The following THEMIS variants were observed in gnomAD, a reference collection of about 807,000 sequenced individuals.
The protein encoded by THEMIS is thymocyte selection associated, also known as protein THEMIS.
A neutral mutation model predicts 52.6 loss-of-function variants in THEMIS; 37 were observed. The observed-to-expected ratio is 0.70, with a 90% confidence interval of 0.54 to 0.93. The LOEUF (loss-of-function observed/expected upper bound fraction) is 0.93. Ranked by LOEUF, THEMIS falls within the 40% of genes least tolerant of loss-of-function variation. THEMIS has a pLI of 0.00. For missense variants in THEMIS, 808 were observed against 763.1 expected (o/e 1.06, Z -0.69); for synonymous variants, 292 against 272.7 (o/e 1.07, Z -0.70).
chr6:127,744,513 C>T (rs187195460), intron 4 of THEMIS, among the ~76,000 whole-genome samples: 63 of 152,048 alleles, frequency 4.1e-4, no homozygotes, highest in African/African-American at 1.5e-3. Flanking sequence ...AGAAGGAAAT[C>T]TTATCATTTG....
chr6:127,859,608 T>C (rs1435694078), intron 1 of THEMIS, among the ~76,000 whole-genome samples: 2 of 152,140 alleles, frequency 1.3e-5, no homozygotes, highest in African/African-American at 4.8e-5. Flanking sequence ...GTTTAAAGCA[T>C]GGTCAAGTCA....
chr6:127,899,110 G>A (rs577507291), intron 1 of THEMIS, among the ~76,000 whole-genome samples: 13 of 151,908 alleles, frequency 8.6e-5, no homozygotes, highest in African/African-American at 3.1e-4. Flanking sequence ...AACAACTAGA[G>A]TAGTGGAATT....
intron 5 of THEMIS, among the ~76,000 whole-genome samples, chr6:127,712,612 A>C (rs745644302): frequency 9.2e-5 from 14 of 151,942 alleles, no homozygotes; most frequent in South Asian, 2.1e-4. Flanking sequence ...TACTCAGTTG[A>C]TCAGACTAAC....
chr6:127,876,527 C>T (rs555499219), intron 1 of THEMIS, among the ~76,000 whole-genome samples: 1 of 152,180 alleles, frequency 6.6e-6, no homozygotes, highest in Non-Finnish European at 1.5e-5. Context: ...AATACAGATT[C>T]TTGGGTTATC....
rs1175240763 is a variant in THEMIS at position 127,719,787 on chromosome 6, T to G, written c.1795A>C (p.Asn599His). ...HVDITKKLHP[N>H]QAGLDSKVLI... The stretch of plus-strand genomic sequence containing the variant: ...ACTTTTGAATCCAGGCCAGCTTGAT[T>G]TGGGTGAAGTTTCTTGGTTATGTCT... The change falls in exon 5 of 6, where the codon AAT becomes CAT. Residue 599 changes from asparagine (N) to histidine (H), a missense_variant. By Grantham distance (68) the Asn-to-His change is moderately conservative (BLOSUM62 1). Transcript: ENST00000368248. 4 of 1,612,184 alleles carry G rather than the reference T, an allele frequency of 2.5e-6. No homozygotes were observed. The highest frequency in any genetic ancestry group is 2.2e-5 in the East Asian group (1 of 44,832).
intron 1 of THEMIS, among the ~76,000 whole-genome samples, chr6:127,860,788 T>G (rs1779775107): frequency 6.6e-6 from 1 of 152,174 alleles, no homozygotes; most frequent in South Asian, 2.1e-4. Flanking sequence ...GGTGACTAAG[T>G]TTCAGTGATA....
chr6:127,851,302 C>G (rs1396286478), intron 2 of THEMIS, among the ~76,000 whole-genome samples: 2 of 151,550 alleles, frequency 1.3e-5, no homozygotes, highest in African/African-American at 2.4e-5. Context: ...ACTTAATACA[C>G]TTCAAGTAGA....
At position 127,753,432 on chromosome 6, in the gene THEMIS, A is replaced by G. The variant is rs189880568; in HGVS notation, c.1759-33609T>C. 1.6e-4 allele frequency among the ~76,000 whole-genome samples: 24 copies of G among 152,216 alleles called. No individual in the cohort carries two copies. The East Asian group carries it at 4.4e-3, about 28-fold the overall frequency. The stretch of plus-strand genomic sequence containing the variant: ...CAATAGCATCAAAAATAATAAAAAT[A>G]CTTAAGAATAAAATTAACCAAGTAT... On this transcript the variant is annotated intron_variant, in intron 4 of 5. Transcript: ENST00000368248.
intron 5 of THEMIS, among the ~76,000 whole-genome samples, chr6:127,714,858 A>G (rs1191632135): frequency 1.3e-5 from 2 of 151,870 alleles, no homozygotes; most frequent in Non-Finnish European, 2.9e-5. Flanking sequence ...TTCCCTCTCA[A>G]TATGGTACAC....
rs778470089 is a variant in THEMIS at position 127,855,122 on chromosome 6, C to G, written c.158G>C (p.Gly53Ala). 1 of 1,610,760 alleles carries G rather than the reference C, an allele frequency of 6.2e-7. No individual in the cohort carries two copies. Reference sequence around the variant, plus strand: ...AGCTATGATCTTCTTAACTTTGAGACCAGTAATTTTAATCACTTCTCCTGT... The same window carrying G: ...AGCTATGATCTTCTTAACTTTGAGAGCAGTAATTTTAATCACTTCTCCTGT... Reference protein sequence around the residue: ...FSTGEVIKITGLKVKKIIAEI... With the variant: ...FSTGEVIKITALKVKKIIAEI... The change falls in exon 2 of 6, where the codon GGT (glycine) becomes GCT (alanine). Residue 53 changes from glycine (G) to alanine (A), a missense_variant. Coordinates refer to ENST00000368248, the MANE Select transcript of THEMIS (RefSeq NM_001010923.3).
At chr6:127,769,799 T>TCCCCAGA (rs1776319426) in intron 4 of THEMIS, among the ~76,000 whole-genome samples, 1 of 151,970 alleles carries the variant, frequency 6.6e-6, no homozygotes, top group Non-Finnish European at 1.5e-5. Flanking sequence ...CCCATGACAG[T>TCCCCAGA]GTGTGATGTT....
intron 4 of THEMIS, among the ~76,000 whole-genome samples, chr6:127,726,795 C>A (rs887429398): frequency 2.6e-5 from 4 of 152,118 alleles, no homozygotes; most frequent in South Asian, 2.1e-4. Context: ...AGGTGGAGAA[C>A]CTCTTCACAT....
At chr6:127,906,389 G>A (rs1781269740) in intron 1 of THEMIS, among the ~76,000 whole-genome samples, 1 of 151,834 alleles carries the variant, frequency 6.6e-6, no homozygotes, top group Admixed American at 6.6e-5. Flanking sequence ...AATGGAATCA[G>A]AGTAAAAACC....
At chr6:127,848,489 A>G (rs1084316) in intron 2 of THEMIS, among the ~76,000 whole-genome samples, 94,600 of 151,504 alleles carry the variant, frequency 0.62, 29,818 homozygotes, top group East Asian at 0.83. Context: ...AGATCCCTGA[A>G]GAATCGCCAC....
At chr6:127,909,834 T>C (rs1224454214) in intron 1 of THEMIS, 1 of 152,172 alleles carries the variant, frequency 6.6e-6, no homozygotes, top group African/African-American at 2.4e-5. Context: ...CTGAAGAACC[T>C]ACTTTGTTCA....
intron 4 of THEMIS, among the ~76,000 whole-genome samples, chr6:127,790,897 C>T (rs1777133664): frequency 6.6e-6 from 1 of 152,224 alleles, no homozygotes; most frequent in Admixed American, 6.5e-5. Context: ...CAAGTAGCTT[C>T]CATGGCTGGC....
intron 4 of THEMIS, among the ~76,000 whole-genome samples, chr6:127,797,502 C>T (rs1281734799): frequency 3.9e-5 from 6 of 152,142 alleles, no homozygotes; most frequent in African/African-American, 1.4e-4. Flanking sequence ...AAATAACTTA[C>T]CCCAGGCAAA....
chr6:127,813,678 T>C lies in THEMIS; in HGVS notation c.963A>G (p.Ser321=), dbSNP rs1169026600. The change falls in exon 4 of 6, where the codon TCA becomes TCG. Residue 321 remains serine, a synonymous_variant. Transcript: ENST00000368248. ...KKYQASRILA[S]EIRSNFPKRH... ...TTTTAGGAAAATTGCTTCTAATTTC[T>C]GAAGCTAAGATTCTTGATGCCTGGT... 6.2e-7 allele frequency: 1 copy of C among 1,614,176 alleles called. No individual in the cohort carries two copies.
chr6:127,698,966 C>T, the THEMIS span, among the ~76,000 whole-genome samples: 1 of 151,912 alleles, frequency 6.6e-6, no homozygotes, highest in Non-Finnish European at 1.5e-5. Context: ...AGAAATTCCA[C>T]AGCCTTAAGT....
Sources: gnomAD v4.1 joint callset for allele counts (sites outside exome capture counted in the v4.1 genomes callset) on GRCh38, gnomAD v4.1.1 for gene constraint, MANE v1.5 for transcripts, NCBI Gene and HGNC (gene_info 2026-07-23, HGNC 2026-07-21) for gene names.